Variants in KNG1 observed in about 807,000 individuals in gnomAD.
KNG1 encodes the protein kininogen-1.
Under a neutral mutation model 47.8 loss-of-function variants are expected in KNG1, and 23 were observed. The observed-to-expected ratio is 0.48, with a 90% CI of 0.35 to 0.68. The LOEUF (loss-of-function observed/expected upper bound fraction) is 0.68. KNG1 is among the 30% of genes least tolerant of loss of function. The pLI is 0.01. For synonymous variants in KNG1, 277 were observed against 277.0 expected (o/e 1.00, Z 0.00); for missense variants, 762 against 790.2 (o/e 0.96, Z 0.43).
In KNG1 at chr3:186,742,411, C is replaced by T; in HGVS notation, c.*80C>T. On this transcript the variant is annotated 3_prime_UTR_variant, in exon 10 of 10. Coordinates refer to ENST00000644859, the MANE Select transcript of KNG1 (RefSeq NM_001102416.3). ...TCTCCATTGTCCAGATGAAAATATC[C>T]TGATATAATGCACCAAAAACCATGC... 1 of 1,591,012 alleles carries T rather than the reference C, an allele frequency of 6.3e-7. No homozygotes were observed. Among genetic ancestry groups the T allele is most frequent in the Non-Finnish European group, 8.5e-7 (1 of 1,174,752 alleles).
At position 186,742,361 on chromosome 3, in the gene KNG1, C is replaced by G; in HGVS notation, c.*30C>G. ...AGTGGCTATGGGTATTTCTTTCATA[C>G]TTTATTAAAGTATCAATATCCCTCT... is the stretch of plus-strand genomic sequence containing the variant. On this transcript the variant is annotated 3_prime_UTR_variant, in exon 10 of 10. Coordinates refer to ENST00000644859, the MANE Select transcript of KNG1 (RefSeq NM_001102416.3). 6 of 1,611,592 alleles carry G rather than the reference C, an allele frequency of 3.7e-6. No homozygotes were observed. Among genetic ancestry groups the G allele is most frequent in the Non-Finnish European group, 5.1e-6 (6 of 1,179,806 alleles).
At chr3:186,735,198 G>T (rs1481152880) in intron 7 of KNG1, among the ~76,000 whole-genome samples, 1 of 152,082 alleles carries the variant, frequency 6.6e-6, no homozygotes, top group Admixed American at 6.6e-5. Flanking sequence ...TTTTAAGAGA[G>T]ACGCGGGCCA....
intron 1 of KNG1, 143 bp from the exon 2 acceptor site, chr3:186,719,962 T>C: frequency 1.4e-6 from 1 of 699,880 alleles, no homozygotes; most frequent in Non-Finnish European, 2.6e-6. Context: ...CATAAATGTT[T>C]ATGATAGAAA....
Position 186,743,722 on chromosome 3 carries a change from C to A in KNG1, c.*1391C>A, listed in dbSNP as rs557540477. 10 of 1,613,690 alleles carry A rather than the reference C, an allele frequency of 6.2e-6. No individual in the cohort carries two copies. In the East Asian group the frequency reaches 2.0e-4, roughly 32 times the overall value. On this transcript the variant is annotated 3_prime_UTR_variant, in exon 10 of 10. Coordinates refer to ENST00000644859, the MANE Select transcript of KNG1 (RefSeq NM_001102416.3). ...ACTTACAGAGTCACCTAAGGTCCTG[C>A]GAGTACAAGGGTCGACCCCCAAAGG... is the stretch of plus-strand genomic sequence containing the variant.
Position 186,732,558 on chromosome 3 carries a change from C to T in KNG1, c.814C>T (p.Pro272Ser). The T allele has an allele frequency of 6.2e-7, 1 of 1,614,120 alleles. No homozygotes were observed. The highest frequency in any genetic ancestry group is 1.3e-5 in the African/African-American group (1 of 75,036). The change falls in exon 7 of 10, where the codon CCC (proline) becomes TCC (serine). Residue 272 changes from proline (P) to serine (S), a missense_variant. Coordinates refer to ENST00000644859, the MANE Select transcript of KNG1 (RefSeq NM_001102416.3). The part of the protein sequence containing the change: ...KICVGCPRDI[P>S]TNSPELEETL... ...TTGCGTGGGCTGCCCCAGAGATATA[C>T]CCACCAACAGCCCAGAGCTGGAGGA...
chr3:186,719,886 A>G (rs1169543049), intron 1 of KNG1, among the ~76,000 whole-genome samples: 1 of 152,232 alleles, frequency 6.6e-6, no homozygotes, highest in East Asian at 1.9e-4. Context: ...AAAATGGGCT[A>G]ATACTATGCA....
At chr3:186,727,647 C>T (rs4686798) in intron 5 of KNG1, among the ~76,000 whole-genome samples, 51,437 of 152,084 alleles carry the variant, frequency 0.34, 9,098 homozygotes, top group Middle Eastern at 0.48. Context: ...TCTCATCTCA[C>T]TGCAGCCTCC....
At position 186,743,792 on chromosome 3, in the gene KNG1, G is replaced by T. The variant is rs746112384; in HGVS notation, c.*1461G>T. On this transcript the variant is annotated 3_prime_UTR_variant, in exon 10 of 10. Transcript: ENST00000644859. Reference sequence around the variant, plus strand: ...TGAGAGGGAGGTCTCTTGACCAATGGGCAGAATCTTCACTCCAGGCACATA... The same window carrying T: ...TGAGAGGGAGGTCTCTTGACCAATGTGCAGAATCTTCACTCCAGGCACATA... 2 of 1,610,810 alleles carry T rather than the reference G, an allele frequency of 1.2e-6. No homozygotes were observed. Among genetic ancestry groups the T allele is most frequent in the East Asian group, 4.5e-5 (2 of 44,864 alleles).
Position 186,741,516 on chromosome 3 carries a change from G to A in KNG1, c.1126-6G>A. ...TAATACATTCATCTTAATATTTTCT[G>A]TTTAGATCTCACTGATGAAAAGGCC... On this transcript the variant is annotated splice_region_variant and splice_polypyrimidine_tract_variant and intron_variant, in intron 9 of 9. Coordinates refer to ENST00000644859, the MANE Select transcript of KNG1 (RefSeq NM_001102416.3). 1 of 1,607,384 alleles carries A rather than the reference G, an allele frequency of 6.2e-7. No homozygotes were observed. Among genetic ancestry groups the A allele is most frequent in the South Asian group, 1.1e-5 (1 of 90,182 alleles).
intron 5 of KNG1, among the ~76,000 whole-genome samples, chr3:186,730,898 T>C (rs1720514737): frequency 1.3e-5 from 2 of 151,668 alleles, no homozygotes; most frequent in East Asian, 1.9e-4. Flanking sequence ...TTCTTGTTTA[T>C]TTTTTATTCA....
intron 7 of KNG1, among the ~76,000 whole-genome samples, 169 bp downstream of exon 7, chr3:186,732,843 G>A (rs182417000): frequency 3.3e-5 from 5 of 152,196 alleles, no homozygotes; most frequent in East Asian, 1.9e-4. Flanking sequence ...GCTTCATCCC[G>A]GACAAGTATT....
chr3:186,730,423 G>A (rs1487146023), intron 5 of KNG1, among the ~76,000 whole-genome samples: 5 of 151,612 alleles, frequency 3.3e-5, no homozygotes, highest in Non-Finnish European at 5.9e-5. Context: ...CAGCATTTTG[G>A]TGGGTGGATC....
At position 186,743,273 on chromosome 3, in the gene KNG1, A is replaced by G. The variant is rs1167607840; in HGVS notation, c.*942A>G. 5.2e-6 allele frequency: 1 copy of G among 190,912 alleles called. No individual in the cohort carries two copies. The highest frequency in any genetic ancestry group is 1.1e-5 in the Non-Finnish European group (1 of 91,140). The allele number at this position is 190,912 out of a possible 1,614,324, so 11.8% of individuals were successfully genotyped here. A position where few individuals can be genotyped will look rare whatever the true frequency, so the allele number is the denominator to read the frequency against. On this transcript the variant is annotated 3_prime_UTR_variant, in exon 10 of 10. Transcript: ENST00000644859. ...CTTTTTAAATAATTGACAAGGGAAT[A>G]TTATGGAATGTGATGCAAAGTTTGT...
rs1331800890 is a variant in KNG1 at position 186,742,256 on chromosome 3, G to A, written c.1860G>A (p.Lys620=). ...CAAAATGTCCTGGACGCCCCTGGAAGTCAGTTAGTGAAATTAATCCAACCA... is the reference window on the plus strand; with the variant it reads ...CAAAATGTCCTGGACGCCCCTGGAAATCAGTTAGTGAAATTAATCCAACCA... The part of the protein sequence containing the change: ...TSPKCPGRPW[K]SVSEINPTTQ... Residue 620 remains lysine (K), a synonymous_variant, in exon 10 of 10, where the codon AAG becomes AAA. Transcript: ENST00000644859. 1.9e-6 allele frequency: 3 copies of A among 1,614,086 alleles called. No homozygotes were observed. The highest frequency in any genetic ancestry group is 2.2e-5 in the South Asian group (2 of 91,080).
intron 7 of KNG1, among the ~76,000 whole-genome samples, chr3:186,732,996 C>A (rs1407031036): frequency 6.6e-6 from 1 of 152,132 alleles, no homozygotes; most frequent in Non-Finnish European, 1.5e-5. Flanking sequence ...ACCTGCAATA[C>A]CAGCACTTTG....
chr3:186,734,289 G>A (rs1720614947), intron 7 of KNG1, among the ~76,000 whole-genome samples: 1 of 152,140 alleles, frequency 6.6e-6, no homozygotes, highest in East Asian at 1.9e-4. Context: ...TGATTAATAT[G>A]AGAATGATTA....
At chr3:186,729,259 A>G (rs1017058869) in intron 5 of KNG1, among the ~76,000 whole-genome samples, 43 of 152,202 alleles carry the variant, frequency 2.8e-4, no homozygotes, top group African/African-American at 9.9e-4. Flanking sequence ...ATAGAAAATA[A>G]TTTGGCAATT....
At position 186,739,375 on chromosome 3, in the gene KNG1, A is replaced by C; in HGVS notation, c.1086A>C (p.Lys362Asn). 1 of 1,613,956 alleles carries C rather than the reference A, an allele frequency of 6.2e-7. No individual in the cohort carries two copies. Among genetic ancestry groups the C allele is most frequent in the Non-Finnish European group, 8.5e-7 (1 of 1,179,796 alleles). Residue 362 changes from lysine (K) to asparagine (N), a missense_variant, in exon 9 of 10, where the codon AAA becomes AAC. Lys to Asn is a moderately conservative substitution (Grantham distance 94). Transcript: ENST00000644859. ...NAEVYVVPWE[K>N]KIYPTVNCQP... ...AAGTTTATGTGGTACCCTGGGAGAA[A>C]AAAATTTACCCTACTGTCAACTGTC...
chr3:186,741,919 A>G lies in KNG1; in HGVS notation c.1523A>G (p.Asn508Ser). The change falls in exon 10 of 10, where the codon AAT becomes AGT. Residue 508 changes from asparagine (N) to serine (S), a missense_variant. Physicochemically the swap from Asn to Ser is conservative, Grantham distance 46. Coordinates refer to ENST00000644859, the MANE Select transcript of KNG1 (RefSeq NM_001102416.3). ...KHGHGHGKHK[N>S]KGKKNGKHNG... ...GGTCATGGCCACGGAAAACATAAAA[A>G]TAAAGGCAAAAAGAATGGAAAGCAC... 1 of 1,614,226 alleles carries G rather than the reference A, an allele frequency of 6.2e-7. No homozygotes were observed. Among genetic ancestry groups the G allele is most frequent in the Non-Finnish European group, 8.5e-7 (1 of 1,180,034 alleles).
Sources: gnomAD v4.1 joint callset for allele counts (sites outside exome capture counted in the v4.1 genomes callset) on GRCh38, gnomAD v4.1.1 for gene constraint, MANE v1.5 for transcripts, NCBI Gene and HGNC (gene_info 2026-07-23, HGNC 2026-07-21) for gene names.